Variants in DNAAF9 observed in about 807,000 individuals in gnomAD.
The protein encoded by DNAAF9 is shulin.
In DNAAF9, 90 loss-of-function variants were observed where a neutral mutation model predicts 167.0. That is an observed-to-expected ratio of 0.54 (90% CI 0.45 to 0.64). DNAAF9 has a LOEUF of 0.64. DNAAF9 is among the 30% of genes least tolerant of loss of function. DNAAF9 has a pLI of 0.00. For missense variants in DNAAF9, 1,315 were observed against 1,442.2 expected, an observed-to-expected ratio of 0.91 and a Z score of 1.43; for synonymous variants, 491 against 508.8, an observed-to-expected ratio of 0.96 and a Z score of 0.47.
chr20:3,294,352 T>C, intron 24 of DNAAF9, 96 bp from the exon 25 acceptor site: 2 of 889,432 alleles, frequency 2.2e-6, no homozygotes, highest in Admixed American at 2.0e-5. Context: ...TGCTGAAAAA[T>C]AAACCTTGGA....
At chr20:3,300,694 A>C (rs2069169698) in intron 21 of DNAAF9, among the ~76,000 whole-genome samples, 1 of 138,858 alleles carries the variant, frequency 7.2e-6, no homozygotes, top group Non-Finnish European at 1.5e-5. Context: ...TAATAATAAT[A>C]ATAATAATAA....
chr20:3,363,341 G>A (rs1314711684), intron 6 of DNAAF9, among the ~76,000 whole-genome samples: 1 of 151,558 alleles, frequency 6.6e-6, no homozygotes, highest in Non-Finnish European at 1.5e-5. Flanking sequence ...GCTCACACCT[G>A]TAATCCCAGC....
chr20:3,285,194 T>C (rs74977664), intron 27 of DNAAF9, among the ~76,000 whole-genome samples: 6,782 of 152,314 alleles, frequency 0.045, 227 homozygotes, highest in African/African-American at 0.094. Context: ...CAGGCCACTC[T>C]AGGGGCTAAA....
At chr20:3,324,752 G>T in intron 14 of DNAAF9, 140 bp downstream of exon 14, 1 of 630,278 alleles carries the variant, frequency 1.6e-6, no homozygotes. Flanking sequence ...GCTGAATCAT[G>T]AATGATTCTC....
intron 21 of DNAAF9, among the ~76,000 whole-genome samples, chr20:3,298,648 T>C (rs555972310): frequency 1.3e-5 from 2 of 152,280 alleles, no homozygotes; most frequent in South Asian, 4.1e-4. Flanking sequence ...ACTGAAAATG[T>C]CATCTCAAAA....
chr20:3,330,778 G>T, intron 11 of DNAAF9, 96 bp from the exon 12 acceptor site: 4 of 626,168 alleles, frequency 6.4e-6, no homozygotes, highest in Non-Finnish European at 1.1e-5. Flanking sequence ...GGAAGGCATT[G>T]TCAAGAACTA....
chr20:3,380,527 T>C (rs1013344363), intron 3 of DNAAF9, among the ~76,000 whole-genome samples: 5 of 152,242 alleles, frequency 3.3e-5, no homozygotes, highest in Non-Finnish European at 5.9e-5. Context: ...ATCCACTAGA[T>C]GCCAGTGGCA....
Position 3,270,478 on chromosome 20 carries a change from G to A in DNAAF9, c.2735C>T (p.Ala912Val), listed in dbSNP as rs756037652. The A allele has an allele frequency of 3.7e-6, 6 of 1,613,510 alleles. No individual in the cohort carries two copies. Among genetic ancestry groups the A allele is most frequent in the African/African-American group, 1.3e-5 (1 of 75,040 alleles). ...LLVQLQSLIRAANPAAAFILA... is the reference protein window; with the variant it reads ...LLVQLQSLIRVANPAAAFILA... ...AATGAAGGCTGCAGCAGGATTGGCA[G>A]CCCTGATGAGGCTCTGCAGCTGAAC... The change falls in exon 30 of 37, where the codon GCT (alanine) becomes GTT (valine). Residue 912 changes from alanine (A) to valine (V), a missense_variant. Ala to Val is a moderately conservative substitution (Grantham distance 64, BLOSUM62 0). This residue lies in a region of DNAAF9 where 334 missense variants were observed against 429.7 expected (regional missense o/e 0.78). Coordinates refer to ENST00000252032, the MANE Select transcript of DNAAF9 (RefSeq NM_001009984.3).
intron 3 of DNAAF9, among the ~76,000 whole-genome samples, chr20:3,380,310 A>G (rs1183947165): frequency 6.6e-6 from 1 of 152,146 alleles, no homozygotes; most frequent in Non-Finnish European, 1.5e-5. Flanking sequence ...ATTTCAGTCT[A>G]CTCTTTTTGC....
chr20:3,397,852 A>T (rs1446199443), intron 1 of DNAAF9, among the ~76,000 whole-genome samples: 1 of 152,146 alleles, frequency 6.6e-6, no homozygotes, highest in Non-Finnish European at 1.5e-5. Context: ...TTCTAGATTC[A>T]ATATACTATT....
intron 31 of DNAAF9, among the ~76,000 whole-genome samples, chr20:3,261,282 C>T (rs2068381769): frequency 6.6e-6 from 1 of 151,872 alleles, no homozygotes; most frequent in South Asian, 2.1e-4. Flanking sequence ...AGTGATCCTC[C>T]CTCCACAGCC....
At chr20:3,364,609 C>A (rs1265105141) in intron 6 of DNAAF9, among the ~76,000 whole-genome samples, 1 of 152,182 alleles carries the variant, frequency 6.6e-6, no homozygotes, top group African/African-American at 2.4e-5. Context: ...GCAAGTCACA[C>A]AAATATTTTG....
chr20:3,318,250 A>AAAT, intron 17 of DNAAF9, 39 bp downstream of exon 17: 1 of 806,028 alleles, frequency 1.2e-6, no homozygotes, highest in Non-Finnish European at 2.0e-6. Context: ...AAAAAAAAAA[A>AAAT]GGCTTAAGGT....
intron 31 of DNAAF9, among the ~76,000 whole-genome samples, chr20:3,263,528 A>G (rs973515504): frequency 2.6e-5 from 4 of 152,214 alleles, no homozygotes; most frequent in African/African-American, 9.7e-5. Context: ...TGGGTTTGAA[A>G]TCCAGTTCTT....
intron 6 of DNAAF9, among the ~76,000 whole-genome samples, chr20:3,371,505 G>A (rs755116734): frequency 3.3e-5 from 5 of 151,652 alleles, no homozygotes; most frequent in South Asian, 4.2e-4. Flanking sequence ...CACCACGCCC[G>A]GCTAATTTTT....
chr20:3,353,696 TAGAAAC>T (rs1306609163), intron 7 of DNAAF9, among the ~76,000 whole-genome samples: 49 of 140,296 alleles, frequency 3.5e-4, no homozygotes, highest in African/African-American at 1.2e-3. Context: ...TCAATTCTAT[TAGAAAC>T]AGACTCAGGA....
intron 12 of DNAAF9, among the ~76,000 whole-genome samples, chr20:3,329,837 T>C (rs2069788079): frequency 6.6e-6 from 1 of 152,226 alleles, no homozygotes; most frequent in African/African-American, 2.4e-5. Context: ...CTAATGAGTT[T>C]ATTTTCTGTC....
chr20:3,332,836 G>A (rs1228753653), intron 10 of DNAAF9, among the ~76,000 whole-genome samples: 1 of 151,760 alleles, frequency 6.6e-6, no homozygotes, highest in Admixed American at 6.6e-5. Context: ...ATCTTTAACT[G>A]TTTTTCCAAA....
chr20:3,385,833 G>T (rs1268287574), intron 1 of DNAAF9, among the ~76,000 whole-genome samples: 1 of 152,060 alleles, frequency 6.6e-6, no homozygotes, highest in Non-Finnish European at 1.5e-5. Flanking sequence ...ACAAAACACT[G>T]ATTAAAGAAA....
Sources: gnomAD v4.1 joint callset for allele counts (sites outside exome capture counted in the v4.1 genomes callset) on GRCh38, gnomAD v4.1.1 for gene constraint, gnomAD v4.1.1 regional missense constraint, MANE v1.5 for transcripts, NCBI Gene and HGNC (gene_info 2026-07-23, HGNC 2026-07-21) for gene names.